The following GALNT2 variants were observed in gnomAD, a reference collection of about 807,000 sequenced individuals.
GALNT2 encodes UDP-GalNAc:polypeptide N-acetylgalactosaminyltransferase 2.
In GALNT2, 31 loss-of-function variants were observed where a neutral mutation model predicts 81.4. The observed-to-expected ratio is 0.38, with a 90% CI of 0.29 to 0.51. GALNT2 has a LOEUF of 0.51. GALNT2 is among the 20% of genes least tolerant of loss of function. GALNT2 has a pLI of 0.87. For synonymous variants in GALNT2, 303 were observed against 287.4 expected (o/e 1.05, Z -0.55); for missense variants, 629 against 765.7 (o/e 0.82, Z 2.11).
chr1:230,259,835 A>G (rs748614265), intron 11 of GALNT2: 1 of 152,254 alleles, frequency 6.6e-6, no homozygotes, highest in Non-Finnish European at 1.5e-5. Flanking sequence ...TAATTGGGGA[A>G]GTTGCAAATC....
chr1:230,115,879 T>G (rs2102795175), intron 1 of GALNT2, among the ~76,000 whole-genome samples: 1 of 152,372 alleles, frequency 6.6e-6, no homozygotes, highest in East Asian at 1.9e-4. Flanking sequence ...TAGGAATAGA[T>G]TCCATCTCAG....
intron 1 of GALNT2, among the ~76,000 whole-genome samples, chr1:230,150,536 T>C (rs990541460): frequency 2.7e-4 from 41 of 152,212 alleles, no homozygotes; most frequent in African/African-American, 9.7e-4. Flanking sequence ...TCTGTTAGAG[T>C]TGGAGTTGGA....
At position 230,275,339 on chromosome 1, in the gene GALNT2, TATAC is replaced by T. The variant is rs1318782763; in HGVS notation, c.1560+779_1560+782del. 1.3e-5 allele frequency among the ~76,000 whole-genome samples: 2 copies of T among 151,450 alleles called. No homozygotes were observed. Among genetic ancestry groups the T allele is most frequent in the East Asian group, 3.9e-4 (2 of 5,164 alleles). The stretch of plus-strand genomic sequence containing the variant: ...CACATATATATACACACCACATATG[TATAC>T]ATATATATACATGCCACATATACAT... On this transcript the variant is annotated intron_variant, in intron 15 of 15. Transcript: ENST00000366672. The surrounding 1 kb of genome is among the most constrained non-coding windows in gnomAD (Gnocchi z 5.5).
intron 2 of GALNT2, among the ~76,000 whole-genome samples, chr1:230,194,102 G>A (rs1362520136): frequency 3.9e-5 from 6 of 152,248 alleles, no homozygotes; most frequent in South Asian, 2.1e-4. Flanking sequence ...GATGGGTTAC[G>A]GGAGGGAGAA....
intron 1 of GALNT2, among the ~76,000 whole-genome samples, chr1:230,112,827 G>A (rs1660744356): frequency 6.6e-6 from 1 of 152,110 alleles, no homozygotes; most frequent in Admixed American, 6.6e-5. Context: ...GGCTCCGCTG[G>A]TCCACTCTTG....
At chr1:230,116,449 CGATCTCCT>C (rs1311731635) in intron 1 of GALNT2, among the ~76,000 whole-genome samples, 1 of 152,120 alleles carries the variant, frequency 6.6e-6, no homozygotes, top group African/African-American at 2.4e-5. Flanking sequence ...AGGATGGTCT[CGATCTCCT>C]GATCTCGTGA....
chr1:230,231,064 T>C (rs1305140238), intron 3 of GALNT2, among the ~76,000 whole-genome samples: 2 of 152,198 alleles, frequency 1.3e-5, no homozygotes, highest in African/African-American at 2.4e-5. Context: ...ACTGACAGTG[T>C]ATTCTCTACT....
rs1483354449 is a variant in GALNT2 at position 230,067,243 on chromosome 1, C to G, written c.-38C>G. ...CCGCGGCCGGCCCAGGCAGCACTCG[C>G]GAGCAGCGGCGGCCCCGCCGGCGGC... On this transcript the variant is annotated 5_prime_UTR_variant, in exon 1 of 16. Transcript: ENST00000366672. 5 of 1,242,518 alleles carry G rather than the reference C, an allele frequency of 4.0e-6. No individual in the cohort carries two copies. In the Admixed American group the frequency reaches 1.6e-4, roughly 40 times the overall value. 77.0% of individuals were successfully genotyped at this position (1,242,518 alleles called of 1,614,324 possible).
chr1:230,176,820 A>G (rs1558125312), intron 1 of GALNT2, among the ~76,000 whole-genome samples: 2 of 152,178 alleles, frequency 1.3e-5, no homozygotes, highest in Admixed American at 6.5e-5. Flanking sequence ...ATTCTAATAC[A>G]TTTGTTGCAG....
intron 1 of GALNT2, among the ~76,000 whole-genome samples, chr1:230,145,350 T>C (rs564984806): frequency 7.2e-5 from 11 of 152,356 alleles, no homozygotes; most frequent in Non-Finnish European, 1.5e-4. Context: ...CCTCAGACTC[T>C]GGCAGTCGGG....
intron 1 of GALNT2, among the ~76,000 whole-genome samples, chr1:230,141,918 C>G (rs983232929): frequency 1.3e-5 from 2 of 150,646 alleles, no homozygotes; most frequent in African/African-American, 4.9e-5. Flanking sequence ...TCCCAAGTAG[C>G]TAGGATGACA....
rs187511839 is a variant in GALNT2, at chr1:230,178,839, C to A, written c.220+528C>A. Among the ~76,000 whole-genome samples the A allele has an allele frequency of 5.5e-3, 834 of 152,238 alleles. 3 individuals carry two copies. The highest frequency in any genetic ancestry group is 9.5e-3 in the South Asian group (46 of 4,820). ...ATGTTACACATTCTGTGGGTTTGGA[C>A]AAATGCATAATGGCGTTTAGCCGCC... is the stretch of plus-strand genomic sequence containing the variant. On this transcript the variant is annotated intron_variant, in intron 2 of 15. Coordinates refer to ENST00000366672, the MANE Select transcript of GALNT2 (RefSeq NM_004481.5).
At chr1:230,233,298 A>G (rs1664923753) in intron 3 of GALNT2, among the ~76,000 whole-genome samples, 1 of 152,226 alleles carries the variant, frequency 6.6e-6, no homozygotes, top group African/African-American at 2.4e-5. Context: ...TGGCTCTGGC[A>G]AACAATATTA....
intron 11 of GALNT2, among the ~76,000 whole-genome samples, chr1:230,256,727 T>C (rs1156287439): frequency 6.6e-6 from 1 of 152,194 alleles, no homozygotes; most frequent in Non-Finnish European, 1.5e-5. Context: ...TTCTCTTACA[T>C]GCTAAAGATA....
intron 1 of GALNT2, among the ~76,000 whole-genome samples, chr1:230,124,766 G>A (rs1487786680): frequency 1.3e-5 from 2 of 152,154 alleles, no homozygotes; most frequent in Admixed American, 6.5e-5. Context: ...TCATGGGGAC[G>A]GGTGGGACCT....
intron 1 of GALNT2, among the ~76,000 whole-genome samples, chr1:230,068,716 G>T (rs1236756120): frequency 6.6e-6 from 1 of 152,144 alleles, no homozygotes; most frequent in East Asian, 1.9e-4. Flanking sequence ...TGCCTTATGT[G>T]GTTTCTGGTA....
At chr1:230,218,330 C>T (rs536354705) in intron 3 of GALNT2, among the ~76,000 whole-genome samples, 20 of 152,346 alleles carry the variant, frequency 1.3e-4, no homozygotes, top group African/African-American at 4.6e-4. Flanking sequence ...GTACAACCTC[C>T]TGGTTAAGGT....
chr1:230,109,988 A>G (rs937170126), intron 1 of GALNT2, among the ~76,000 whole-genome samples: 10 of 152,212 alleles, frequency 6.6e-5, no homozygotes, highest in Non-Finnish European at 5.9e-5. Flanking sequence ...CACGCAGATC[A>G]GAGATGTGAA....
chr1:230,171,433 T>A (rs1558122620), intron 1 of GALNT2, among the ~76,000 whole-genome samples: 1 of 152,222 alleles, frequency 6.6e-6, no homozygotes, highest in Non-Finnish European at 1.5e-5. Flanking sequence ...TAGTGGTAAT[T>A]ACTGAAAAGT....
Sources: gnomAD v4.1 joint callset for allele counts (sites outside exome capture counted in the v4.1 genomes callset) on GRCh38, gnomAD v4.1.1 for gene constraint, Gnocchi (gnomAD v3.1) non-coding constraint, MANE v1.5 for transcripts, NCBI Gene and HGNC (gene_info 2026-07-23, HGNC 2026-07-21) for gene names.